Variants in ACAP3 observed in about 807,000 individuals in gnomAD.
ACAP3 encodes arf-GAP with coiled-coil, ANK repeat and PH domain-containing protein 3.
In ACAP3, 56 loss-of-function variants were observed where a neutral mutation model predicts 104.1. That is an observed-to-expected ratio of 0.54 (90% confidence interval 0.43 to 0.67). ACAP3 has a LOEUF of 0.67. Among genes scored for constraint, ACAP3 ranks in the 30% least tolerant of loss-of-function variants. The pLI, the probability that ACAP3 is intolerant of heterozygous loss-of-function variation, is 0.00. For missense variants in ACAP3, 1,208 were observed against 1,174.9 expected (o/e 1.03, Z -0.41); for synonymous variants, 628 against 496.2 (o/e 1.27, Z -3.53).
chr1:1,296,306 CTG>C, intron 15 of ACAP3, 26 bp from the exon 16 acceptor site: 1 of 1,551,734 alleles, frequency 6.4e-7, no homozygotes, highest in Non-Finnish European at 8.7e-7. Flanking sequence ...AGGGATGAGT[CTG>C]GGGGAGGCAA....
Position 1,297,942 on chromosome 1 carries a change from A to G in ACAP3, c.1017-9T>C, listed in dbSNP as rs753402683. ...CCTGCAGCATGCAGCTCCTGCAGGC[A>G]GTGGAGGGGCGGGCGTCAGCTCCGG... On this transcript the variant is annotated splice_polypyrimidine_tract_variant and intron_variant, in intron 13 of 23. Transcript: ENST00000354700. The G allele has an allele frequency of 5.0e-6, 8 of 1,611,408 alleles. No homozygotes were observed. The highest frequency in any genetic ancestry group is 3.3e-5 in the Admixed American group (2 of 59,912).
chr1:1,295,857 C>A lies in ACAP3; in HGVS notation c.1584G>T (p.Glu528Asp), dbSNP rs1293506810. 7.4e-6 allele frequency: 12 copies of A among 1,611,714 alleles called. No individual in the cohort carries two copies. Among genetic ancestry groups the A allele is most frequent in the Non-Finnish European group, 8.5e-6 (10 of 1,179,980 alleles). The change falls in exon 18 of 24, where the codon GAG becomes GAT. Residue 528 changes from glutamate to aspartate, a missense_variant. Coordinates refer to ENST00000354700, the MANE Select transcript of ACAP3 (RefSeq NM_030649.3). ...TCTGCACCCTCCAGCGTCTTGGGGCCTCCAGGGCTGGTGCCATGGGCGCCT... is the reference window on the plus strand; with the variant it reads ...TCTGCACCCTCCAGCGTCTTGGGGCATCCAGGGCTGGTGCCATGGGCGCCT... The part of the protein sequence containing the change: ...LRKAPMAPAL[E>D]APRRWRVQKC...
At chr1:1,298,261 G>A (rs963447054) in intron 12 of ACAP3, 109 bp downstream of exon 12, 57 of 1,583,296 alleles carry the variant, frequency 3.6e-5, no homozygotes, top group African/African-American at 1.1e-4. Context: ...TTCCGGCTCC[G>A]GCGTCCACTA....
At chr1:1,301,789 C>T (rs1641457422) in intron 5 of ACAP3, 199 bp downstream of exon 5, 3 of 436,346 alleles carry the variant, frequency 6.9e-6, no homozygotes, top group East Asian at 7.2e-5. Context: ...GGGGGCTGGA[C>T]ACCCCACCCA....
chr1:1,306,603 C>T (rs561713337), intron 1 of ACAP3, among the ~76,000 whole-genome samples: 1 of 152,302 alleles, frequency 6.6e-6, no homozygotes, highest in African/African-American at 2.4e-5. Context: ...GATACAGAGG[C>T]TCCCCGTGCC....
intron 5 of ACAP3, 75 bp downstream of exon 5, chr1:1,301,913 G>T: frequency 7.1e-7 from 1 of 1,407,982 alleles, no homozygotes; most frequent in Non-Finnish European, 9.5e-7. Flanking sequence ...CCTCTGCTCT[G>T]CCCCAGACCC....
Position 1,300,605 on chromosome 1 carries a change from G to A in ACAP3, c.426C>T (p.Ala142=). The change falls in exon 6 of 24, where the codon GCC becomes GCT. Residue 142 remains alanine (A), a synonymous_variant. Transcript: ENST00000354700. ...CCACCTCGTGGGGCCGGTGCCTCGG[G>A]GCCTGGGCGTTCCTCACCAGGGACA... ...LELSLVRNAQ[A]PRHRPHEVEE... is the part of the protein sequence containing the mutation. 1 of 1,609,212 alleles carries A rather than the reference G, an allele frequency of 6.2e-7. No homozygotes were observed. Among genetic ancestry groups the A allele is most frequent in the South Asian group, 1.1e-5 (1 of 90,434 alleles).
intron 1 of ACAP3, chr1:1,307,399 A>G (rs1389163572): frequency 7.7e-7 from 1 of 1,291,214 alleles, no homozygotes; most frequent in South Asian, 1.2e-5. Flanking sequence ...CACAGGATCA[A>G]GTCAGAGACC....
intron 1 of ACAP3, chr1:1,307,039 G>A (rs992601701): frequency 5.0e-6 from 3 of 601,848 alleles, no homozygotes; most frequent in South Asian, 3.0e-5. Flanking sequence ...GCACGAGCTC[G>A]TGCAGAGGAG....
chr1:1,304,010 G>C, intron 2 of ACAP3, 76 bp downstream of exon 2: 1 of 1,530,792 alleles, frequency 6.5e-7, no homozygotes, highest in Non-Finnish European at 8.8e-7. Flanking sequence ...GGCTTAGTAA[G>C]GCCTGGAGGG....
intron 1 of ACAP3, among the ~76,000 whole-genome samples, chr1:1,307,560 G>T (rs898113637): frequency 6.6e-6 from 1 of 152,172 alleles, no homozygotes; most frequent in Non-Finnish European, 1.5e-5. Context: ...CCCTCCACCC[G>T]GGGCGGCCGC....
chr1:1,299,695 C>A, intron 9 of ACAP3, 136 bp downstream of exon 9: 1 of 1,064,314 alleles, frequency 9.4e-7, no homozygotes, highest in Non-Finnish European at 1.3e-6. Flanking sequence ...CAGCCTTGGT[C>A]CCCTAGAGAG....
intron 9 of ACAP3, 134 bp downstream of exon 9, chr1:1,299,697 C>T (rs1452926287): frequency 1.6e-5 from 17 of 1,091,812 alleles, no homozygotes; most frequent in Non-Finnish European, 2.0e-5. Context: ...GCCTTGGTCC[C>T]CTAGAGAGGG....
chr1:1,293,843 G>A lies in ACAP3; in HGVS notation c.2340C>T (p.Ala780=), dbSNP rs571491116. Residue 780 remains alanine, a synonymous_variant, in exon 23 of 24, where the codon GCC becomes GCT. Transcript: ENST00000354700. ...CTCACAGTGTCACGATGTCAGCGTT[G>A]GCCGCCTGCACTGCGATGGCCAACG... ...RDPLAIAVQA[A]NADIVTLLRL... The A allele has an allele frequency of 2.5e-4, 393 of 1,569,816 alleles. 4 individuals are homozygous for A. The South Asian group carries it at 4.2e-3, about 17-fold the overall frequency.
Position 1,296,116 on chromosome 1 carries a change from G to A in ACAP3, c.1408-7C>T. 9 of 1,612,716 alleles carry A rather than the reference G, an allele frequency of 5.6e-6. No homozygotes were observed. The highest frequency in any genetic ancestry group is 7.6e-6 in the Non-Finnish European group (9 of 1,179,944). On this transcript the variant is annotated splice_polypyrimidine_tract_variant and splice_region_variant and intron_variant, in intron 16 of 23. Coordinates refer to ENST00000354700, the MANE Select transcript of ACAP3 (RefSeq NM_030649.3). Reference sequence around the variant, plus strand: ...TTCCAAGCTCACACATCAGCTAGCGGGAGACAGGGCGAGCAGGCATCAGTG... The same window carrying A: ...TTCCAAGCTCACACATCAGCTAGCGAGAGACAGGGCGAGCAGGCATCAGTG...
rs1641767304 is a variant in ACAP3, at chr1:1,307,242, T to C, written c.47+527A>G. ...GCAGACTCGGTGTGCACACAACCCC[T>C]ACCCCCTACCTGACCTTCCCCGCCG... On this transcript the variant is annotated intron_variant, in intron 1 of 23. Transcript: ENST00000354700. 5.4e-6 allele frequency: 7 copies of C among 1,287,304 alleles called. No individual in the cohort carries two copies. In the African/African-American group the frequency reaches 7.6e-5, roughly 14 times the overall value. 79.7% of individuals were successfully genotyped at this position (1,287,304 alleles called of 1,614,324 possible). A position where few individuals can be genotyped will look rare whatever the true frequency, so the allele number is the denominator to read the frequency against.
In ACAP3 at chr1:1,297,707, G is replaced by A. The variant is rs1322068307; in HGVS notation, c.1128+115C>T. The A allele has an allele frequency of 7.4e-6, 7 of 941,094 alleles. 1 individual carries two copies. The highest frequency in any genetic ancestry group is 3.4e-5 in the South Asian group (2 of 58,264). The allele number at this position is 941,094 out of a possible 1,614,324, so 58.3% of individuals were successfully genotyped here. On this transcript the variant is annotated intron_variant, in intron 14 of 23. Coordinates refer to ENST00000354700, the MANE Select transcript of ACAP3 (RefSeq NM_030649.3). ...CCCGGTGGCACGTGTGCACGGGCAC[G>A]GGGCAGGGGCCATCCCCGGTGGCAC...
rs1465145177 is a variant in ACAP3, at chr1:1,303,842, C to T, written c.105+244G>A. On this transcript the variant is annotated intron_variant, in intron 2 of 23. Coordinates refer to ENST00000354700, the MANE Select transcript of ACAP3 (RefSeq NM_030649.3). This position sits in a 1 kb window ranked among gnomAD's most constrained non-coding sequence, Gnocchi z 4.0. The stretch of plus-strand genomic sequence containing the variant: ...GAGGGGACGGGCAGCCACCGTGGGT[C>T]GGGGACTCACCACAGCCCAGCCCCT... 5 of 587,374 alleles carry T rather than the reference C, an allele frequency of 8.5e-6. No homozygotes were observed. Among genetic ancestry groups the T allele is most frequent in the Middle Eastern group, 4.4e-4 (1 of 2,268 alleles). The allele number at this position is 587,374 out of a possible 1,614,324, so 36.4% of individuals were successfully genotyped here. A position where few individuals can be genotyped will look rare whatever the true frequency, so the allele number is the denominator to read the frequency against.
Position 1,300,664 on chromosome 1 carries a change from T to G in ACAP3, c.367A>C (p.Lys123Gln). The G allele has an allele frequency of 1.9e-6, 3 of 1,608,628 alleles. No homozygotes were observed. Among genetic ancestry groups the G allele is most frequent in the Non-Finnish European group, 2.5e-6 (3 of 1,178,654 alleles). ...TCCTCCCGCACCTTGTCAAACTGCT[T>G]CTTTGTCTCCTTGAACTTCCGCACA... Reference protein sequence around the residue: ...EDVRKFKETKKQFDKVREDLE... With the variant: ...EDVRKFKETKQQFDKVREDLE... The change falls in exon 6 of 24, where the codon AAG (lysine) becomes CAG (glutamine). Residue 123 changes from lysine (K) to glutamine (Q), a missense_variant. Physicochemically the swap from Lys to Gln is moderately conservative, Grantham distance 53. Transcript: ENST00000354700.
Sources: allele counts gnomAD v4.1 joint callset (sites outside exome capture counted in the v4.1 genomes callset), GRCh38; gene constraint gnomAD v4.1.1; non-coding constraint Gnocchi (gnomAD v3.1); transcripts MANE v1.5; gene names NCBI Gene and HGNC (gene_info 2026-07-23, HGNC 2026-07-21).